SPG11: variants seen among roughly 807,000 people sequenced by gnomAD.
The protein encoded by SPG11 is SPG11 vesicle trafficking associated, spatacsin.
SPG11 carries 222 observed loss-of-function variants against 274.0 expected under a neutral mutation model. That is an observed-to-expected ratio of 0.81 (90% CI 0.73 to 0.91). SPG11 has a LOEUF of 0.91. Ranked by LOEUF, SPG11 falls within the 40% of genes least tolerant of loss-of-function variation. The pLI, the probability that SPG11 is intolerant of heterozygous loss-of-function variation, is 0.00. For synonymous variants in SPG11, 1,144 were observed against 1,039.7 expected (o/e 1.10, Z -1.93); for missense variants, 3,114 against 2,872.7 (o/e 1.08, Z -1.92).
At chr15:44,613,294 T>C in intron 17 of SPG11, 136 bp downstream of exon 17, 1 of 686,158 alleles carries the variant, frequency 1.5e-6, no homozygotes, top group African/African-American at 1.8e-5. Flanking sequence ...TTACCTCAAG[T>C]GTGAGCCTAG....
At chr15:44,574,864 C>T in intron 31 of SPG11, 38 bp downstream of exon 31, 1 of 1,612,358 alleles carries the variant, frequency 6.2e-7, no homozygotes, top group African/African-American at 1.3e-5. Flanking sequence ...TCATTTCCCT[C>T]CCTCTCAGAA....
At chr15:44,608,223 C>A (rs1335731986) in intron 19 of SPG11, among the ~76,000 whole-genome samples, 2 of 152,184 alleles carry the variant, frequency 1.3e-5, no homozygotes, top group East Asian at 1.9e-4. Context: ...TCTGGTAACA[C>A]CACTTTTTTG....
rs114110389 is a variant in SPG11 at position 44,608,019 on chromosome 15, C to T, written c.3453+425G>A. Among the ~76,000 whole-genome samples the T allele has an allele frequency of 3.4e-3, 519 of 152,314 alleles. 2 individuals carry two copies. The highest frequency in any genetic ancestry group is 0.012 in the African/African-American group (495 of 41,554). ...TTTCCCAAGCTCCTTTGCCCTTCGG[C>T]TACCAGATACATATAGCCACAAAGA... is the stretch of plus-strand genomic sequence containing the variant. On this transcript the variant is annotated intron_variant, in intron 19 of 39. Transcript: ENST00000261866.
At chr15:44,660,669 C>G in intron 1 of SPG11, 53 bp from the exon 2 acceptor site, 1 of 1,552,288 alleles carries the variant, frequency 6.4e-7, no homozygotes, top group Non-Finnish European at 8.9e-7. Flanking sequence ...TAATATTTAC[C>G]CACAATGGTG....
intron 28 of SPG11, among the ~76,000 whole-genome samples, chr15:44,588,088 T>A (rs903832540): frequency 2.0e-5 from 3 of 152,154 alleles, no homozygotes; most frequent in African/African-American, 7.2e-5. Flanking sequence ...TCTGTGCAAA[T>A]CTGAGCTCTC....
At position 44,572,708 on chromosome 15, in the gene SPG11, G is replaced by A. The variant is rs1481219864; in HGVS notation, c.6318C>T (p.Ser2106=). The A allele has an allele frequency of 7.4e-6, 12 of 1,613,908 alleles. No homozygotes were observed. Among genetic ancestry groups the A allele is most frequent in the African/African-American group, 1.3e-5 (1 of 74,880 alleles). Residue 2106 remains serine, a synonymous_variant, in exon 33 of 40, where the codon TCC becomes TCT. Coordinates refer to ENST00000261866, the MANE Select transcript of SPG11 (RefSeq NM_025137.4). ...VGMKLLDKIS[S]VPHGELSCTT... ...TGCAAGACAGTTCCCCATGGGGAAC[G>A]GAGGAAATCTTATCCAACAACTTCA...
intron 16 of SPG11, among the ~76,000 whole-genome samples, chr15:44,613,927 CCA>C (rs985178409): frequency 1.3e-5 from 2 of 152,076 alleles, no homozygotes; most frequent in African/African-American, 4.8e-5. Flanking sequence ...ACCTGTAGTT[CCA>C]GTTACTTGGG....
At chr15:44,594,398 C>T (rs1190175677) in intron 26 of SPG11, among the ~76,000 whole-genome samples, 1 of 151,766 alleles carries the variant, frequency 6.6e-6, no homozygotes, top group Non-Finnish European at 1.5e-5. Context: ...TGCACTCCAG[C>T]CTGAGTGACA....
chr15:44,571,764 T>C (rs2082430996), intron 33 of SPG11, among the ~76,000 whole-genome samples: 1 of 152,146 alleles, frequency 6.6e-6, no homozygotes, highest in Non-Finnish European at 1.5e-5. Context: ...CCCAAAGTGC[T>C]GGGATTACAG....
In SPG11 at chr15:44,613,433, T is replaced by C. The variant is rs777866386; in HGVS notation, c.3142A>G (p.Thr1048Ala). 6.2e-7 allele frequency: 1 copy of C among 1,608,042 alleles called. No homozygotes were observed. The highest frequency in any genetic ancestry group is 2.2e-5 in the East Asian group (1 of 44,810). Residue 1048 changes from threonine (T) to alanine (A), a missense_variant, in exon 17 of 40, where the codon ACA becomes GCA. Physicochemically the swap from Thr to Ala is moderately conservative, Grantham distance 58. Coordinates refer to ENST00000261866, the MANE Select transcript of SPG11 (RefSeq NM_025137.4). The part of the protein sequence containing the change: ...VQCRQVASNL[T>A]DPKLIFQASL... ...GTTTAATACAGTATACCCATACCTGTTAAGTTACTGGCAACTTGTCGACAC... is the reference window on the plus strand; with the variant it reads ...GTTTAATACAGTATACCCATACCTGCTAAGTTACTGGCAACTTGTCGACAC...
intron 33 of SPG11, 24 bp from the exon 34 acceptor site, chr15:44,570,682 A>G (rs758266744): frequency 2.6e-5 from 42 of 1,611,766 alleles, no homozygotes; most frequent in Non-Finnish European, 3.5e-5. Context: ...CACTGGTAAG[A>G]TAAGATTATG....
chr15:44,589,503 A>G (rs2082849991), intron 27 of SPG11, 89 bp from the exon 28 acceptor site: 1 of 1,517,158 alleles, frequency 6.6e-7, no homozygotes, highest in Non-Finnish European at 9.1e-7. Context: ...TAAGAAAGCT[A>G]AAATTCCCTC....
chr15:44,572,807 C>T lies in SPG11; in HGVS notation c.6219G>A (p.Met2073Ile), dbSNP rs778428857. The change falls in exon 33 of 40, where the codon ATG becomes ATA. Residue 2073 changes from methionine (M) to isoleucine (I), a missense_variant. Transcript: ENST00000261866. ...TSSQGTGHKQ[M>I]FNPTEESQTF... The stretch of plus-strand genomic sequence containing the variant: ...TCTGGCTTTCCTCTGTTGGGTTGAA[C>T]ATCTGCTTATGTCCTGTACAGAGAG... 1 of 1,613,914 alleles carries T rather than the reference C, an allele frequency of 6.2e-7. No homozygotes were observed. Among genetic ancestry groups the T allele is most frequent in the Non-Finnish European group, 8.5e-7 (1 of 1,179,960 alleles).
intron 7 of SPG11, among the ~76,000 whole-genome samples, chr15:44,634,623 G>A (rs1020494879): frequency 8.6e-5 from 13 of 151,970 alleles, no homozygotes; most frequent in Admixed American, 5.9e-4. Flanking sequence ...GTCTTGCTCT[G>A]TCGCCCAGGC....
chr15:44,653,194 G>A (rs577240528), intron 4 of SPG11, among the ~76,000 whole-genome samples: 1 of 152,266 alleles, frequency 6.6e-6, no homozygotes, highest in South Asian at 2.1e-4. Context: ...GGGGGAAAAG[G>A]AACCTGAAGA....
At position 44,660,539 on chromosome 15, in the gene SPG11, T is replaced by C. The variant is rs553763636; in HGVS notation, c.335A>G (p.Glu112Gly). 1 of 1,614,172 alleles carries C rather than the reference T, an allele frequency of 6.2e-7. No individual in the cohort carries two copies. Among genetic ancestry groups the C allele is most frequent in the East Asian group, 2.2e-5 (1 of 44,876 alleles). Residue 112 changes from glutamate to glycine, a missense_variant, in exon 2 of 40, where the codon GAA becomes GGA. Physicochemically the swap from Glu to Gly is moderately conservative, Grantham distance 98 (BLOSUM62 -2). Transcript: ENST00000261866. ...CAAATTAAATTCATAGATAAGCAGT[T>C]CATAATTTTCACCAAGAGCGAGCAG... ...PKLLALGENY[E>G]LLIYEFNLKD...
chr15:44,592,036 G>A (rs551818069), intron 27 of SPG11, among the ~76,000 whole-genome samples: 88 of 151,740 alleles, frequency 5.8e-4, no homozygotes, highest in African/African-American at 2.1e-3. Context: ...GCTTGAACCT[G>A]GGAGGTGGAG....
In SPG11 at chr15:44,592,468, A is replaced by T. The variant is rs771043744; in HGVS notation, c.4636-30T>A. 6 of 1,320,118 alleles carry T rather than the reference A, an allele frequency of 4.5e-6. No homozygotes were observed. In the African/African-American group the frequency reaches 8.7e-5, roughly 19 times the overall value. 81.8% of individuals were successfully genotyped at this position (1,320,118 alleles called of 1,614,324 possible). A position where few individuals can be genotyped will look rare whatever the true frequency, so the allele number is the denominator to read the frequency against. ...GACAAAGAGTTTGAAAAAAATTACA[A>T]AATTTTGAACTTAATATTTTTTCAA... On this transcript the variant is annotated intron_variant, in intron 26 of 39. Coordinates refer to ENST00000261866, the MANE Select transcript of SPG11 (RefSeq NM_025137.4).
At chr15:44,570,459 C>T in intron 34 of SPG11, 66 bp downstream of exon 34, 1 of 1,606,736 alleles carries the variant, frequency 6.2e-7, no homozygotes, top group East Asian at 2.2e-5. Context: ...TGGGCTGGCT[C>T]CCACCCTTTC....
Sources: gnomAD v4.1 joint callset for allele counts (sites outside exome capture counted in the v4.1 genomes callset) on GRCh38, gnomAD v4.1.1 for gene constraint, MANE v1.5 for transcripts, NCBI Gene and HGNC (gene_info 2026-07-23, HGNC 2026-07-21) for gene names.